Variants in TGM6 observed in about 807,000 individuals in gnomAD.
TGM6 encodes the protein protein-glutamine gamma-glutamyltransferase 6.
Under a neutral mutation model 77.5 loss-of-function variants are expected in TGM6, and 74 were observed. That is an observed-to-expected ratio of 0.96 (90% CI 0.79 to 1.16). TGM6 has a LOEUF of 1.16. TGM6 is among the 50% of genes most tolerant of loss of function. The pLI, the probability that TGM6 is intolerant of heterozygous loss-of-function variation, is 0.00. For missense variants in TGM6, 968 were observed against 940.2 expected, an observed-to-expected ratio of 1.03 and a Z score of -0.39; for synonymous variants, 383 against 378.9, an observed-to-expected ratio of 1.01 and a Z score of -0.12.
At chr20:2,413,028 T>C (rs1352702987) in intron 9 of TGM6, among the ~76,000 whole-genome samples, 2 of 152,104 alleles carry the variant, frequency 1.3e-5, no homozygotes, top group African/African-American at 4.8e-5. Flanking sequence ...AGCAACCTGA[T>C]CATAAAATTC....
chr20:2,395,577 G>T (rs1184436375), intron 3 of TGM6, 141 bp downstream of exon 3: 7 of 1,496,550 alleles, frequency 4.7e-6, no homozygotes, highest in Admixed American at 1.7e-5. Context: ...AGCCTAGGCA[G>T]AGGTAGGCAA....
In TGM6 at chr20:2,432,474, CCT is replaced by C. The variant is rs2084929675; in HGVS notation, c.1968-14_1968-13del. On this transcript the variant is annotated splice_polypyrimidine_tract_variant and intron_variant, in intron 12 of 12. Coordinates refer to ENST00000202625, the MANE Select transcript of TGM6 (RefSeq NM_198994.3). ...GAGGACTGACAGTCTGCCTTTCTCC[CCT>C]CCCCTTCCTCCAGCGTGCCTACCCT... 6.2e-7 allele frequency: 1 copy of C among 1,613,598 alleles called. No homozygotes were observed. Among genetic ancestry groups the C allele is most frequent in the South Asian group, 1.1e-5 (1 of 91,066 alleles).
At chr20:2,382,340 A>G (rs2084561207) in intron 1 of TGM6, among the ~76,000 whole-genome samples, 1 of 152,180 alleles carries the variant, frequency 6.6e-6, no homozygotes, top group South Asian at 2.1e-4. Flanking sequence ...TGCCTCCCTG[A>G]TGGCCCTGGT....
At chr20:2,413,160 C>T (rs1317487440) in intron 9 of TGM6, among the ~76,000 whole-genome samples, 1 of 152,190 alleles carries the variant, frequency 6.6e-6, no homozygotes, top group Non-Finnish European at 1.5e-5. Context: ...TCTGTGATCC[C>T]AGCACTTTAG....
chr20:2,407,328 C>T (rs1324740713), intron 9 of TGM6, among the ~76,000 whole-genome samples: 1 of 152,228 alleles, frequency 6.6e-6, no homozygotes, highest in East Asian at 1.9e-4. Context: ...ATTTTAAAAT[C>T]ATTTTATGAG....
chr20:2,396,201 G>T (rs926693616), intron 3 of TGM6, among the ~76,000 whole-genome samples: 1 of 150,002 alleles, frequency 6.7e-6, no homozygotes, highest in African/African-American at 2.5e-5. Context: ...AAAAAGAAAA[G>T]AAAATAAGAA....
intron 1 of TGM6, among the ~76,000 whole-genome samples, chr20:2,387,854 C>A (rs1017648977): frequency 2.0e-5 from 3 of 152,192 alleles, no homozygotes; most frequent in Non-Finnish European, 1.5e-5. Flanking sequence ...GACCCACTTG[C>A]CAGATGGCTC....
chr20:2,406,860 A>AAAAAAACAAAAC (rs1568662623), intron 9 of TGM6, among the ~76,000 whole-genome samples: 1 of 133,992 alleles, frequency 7.5e-6, no homozygotes. Context: ...AAAAAAAAAA[A>AAAAAAACAAAAC]AAAAAACCAT....
chr20:2,423,922 A>T (rs2084872030), intron 10 of TGM6, among the ~76,000 whole-genome samples: 1 of 152,250 alleles, frequency 6.6e-6, no homozygotes, highest in Non-Finnish European at 1.5e-5. Context: ...TTCTTGAGTG[A>T]CTAGGTGCAT....
intron 4 of TGM6, among the ~76,000 whole-genome samples, chr20:2,397,688 G>A (rs2084678135): frequency 6.6e-6 from 1 of 152,192 alleles, no homozygotes; most frequent in Non-Finnish European, 1.5e-5. Context: ...AGCCACAGGA[G>A]ATTGTTGAGC....
rs59799305 is a variant in TGM6, at chr20:2,429,466, G to GA, written c.1679-966dup. Among the ~76,000 whole-genome samples the GA allele has an allele frequency of 7.8e-3, 1,039 of 132,584 alleles. 5 individuals are homozygous for GA. The highest frequency in any genetic ancestry group is 0.021 in the South Asian group (87 of 4,236). 87.0% of individuals were successfully genotyped at this position (132,584 alleles called of 152,430 possible). A position where few individuals can be genotyped will look rare whatever the true frequency, so the allele number is the denominator to read the frequency against. On this transcript the variant is annotated intron_variant, in intron 10 of 12. Transcript: ENST00000202625. ...TAAAAGAAAGAATATATAGTAGTCA[G>GA]AAAAAAAAAAAAAACAAATATGGTC...
At chr20:2,423,993 T>A (rs1314596072) in intron 10 of TGM6, among the ~76,000 whole-genome samples, 1 of 152,228 alleles carries the variant, frequency 6.6e-6, no homozygotes, top group African/African-American at 2.4e-5. Flanking sequence ...GTCTCAACAG[T>A]TGGCCTAAAA....
chr20:2,427,339 T>C (rs1434055023), intron 10 of TGM6, among the ~76,000 whole-genome samples: 5 of 152,174 alleles, frequency 3.3e-5, no homozygotes, highest in African/African-American at 1.2e-4. Context: ...TCCCCAAACT[T>C]GTTACCTTTA....
intron 1 of TGM6, among the ~76,000 whole-genome samples, chr20:2,383,058 A>G (rs2084567110): frequency 6.6e-6 from 1 of 152,222 alleles, no homozygotes; most frequent in Non-Finnish European, 1.5e-5. Context: ...AGAGGCCAGC[A>G]GCTTCCAACA....
intron 1 of TGM6, 45 bp from the exon 2 acceptor site, chr20:2,394,407 A>G (rs772482838): frequency 1.2e-6 from 2 of 1,606,204 alleles, no homozygotes; most frequent in Non-Finnish European, 1.7e-6. Flanking sequence ...AGTGGGTGAG[A>G]AACAGGAGGC....
In TGM6 at chr20:2,417,437, C is replaced by T. The variant is rs150758961; in HGVS notation, c.1542C>T (p.Ala514=). 3.5e-5 allele frequency: 57 copies of T among 1,612,578 alleles called. No individual in the cohort carries two copies. Among genetic ancestry groups the T allele is most frequent in the Non-Finnish European group, 4.8e-5 (57 of 1,179,996 alleles). ...TGCTGGGCCACGACCTGAGACTGGCCCTGTGCTTGGCCAACCTCACCTCCC... is the reference window on the plus strand; with the variant it reads ...TGCTGGGCCACGACCTGAGACTGGCTCTGTGCTTGGCCAACCTCACCTCCC... ...PPMLGHDLRL[A]LCLANLTSRA... The change falls in exon 10 of 13, where the codon GCC becomes GCT. Residue 514 remains alanine (A), a synonymous_variant. Transcript: ENST00000202625.
intron 1 of TGM6, among the ~76,000 whole-genome samples, chr20:2,390,483 T>G (rs987815578): frequency 3.9e-5 from 6 of 152,190 alleles, no homozygotes; most frequent in Non-Finnish European, 8.8e-5. Flanking sequence ...GGCAAGTTAT[T>G]TCACTTCTCT....
chr20:2,424,436 C>T (rs1365378885), intron 10 of TGM6, among the ~76,000 whole-genome samples: 1 of 152,182 alleles, frequency 6.6e-6, no homozygotes. Flanking sequence ...ATGAACCAAC[C>T]TGTGCTAGCT....
At chr20:2,415,927 C>A (rs928584139) in intron 9 of TGM6, among the ~76,000 whole-genome samples, 6 of 152,014 alleles carry the variant, frequency 3.9e-5, no homozygotes, top group African/African-American at 1.5e-4. Flanking sequence ...CTACAGGAGC[C>A]CCACCGATAG....
Sources: allele counts gnomAD v4.1 joint callset (sites outside exome capture counted in the v4.1 genomes callset), GRCh38; gene constraint gnomAD v4.1.1; transcripts MANE v1.5; gene names NCBI Gene and HGNC (gene_info 2026-07-23, HGNC 2026-07-21).